ZFHX3: variants seen among roughly 807,000 people sequenced by gnomAD.
ZFHX3 encodes the protein zinc finger homeobox protein 3.
A neutral mutation model predicts 279.1 loss-of-function variants in ZFHX3; 42 were observed. The observed-to-expected ratio is 0.15, with a 90% CI of 0.12 to 0.19. The LOEUF (loss-of-function observed/expected upper bound fraction) is 0.19. Ranked by LOEUF, ZFHX3 falls within the 10% of genes least tolerant of loss-of-function variation. The pLI is 1.00. For missense variants in ZFHX3, 4,981 were observed against 4,754.0 expected, an observed-to-expected ratio of 1.05 and a Z score of -1.40; for synonymous variants, 2,293 against 1,957.8, an observed-to-expected ratio of 1.17 and a Z score of -4.52.
intron 1 of ZFHX3, among the ~76,000 whole-genome samples, chr16:73,857,092 T>C (rs1961751130): frequency 6.6e-6 from 1 of 152,160 alleles, no homozygotes; most frequent in Non-Finnish European, 1.5e-5. Flanking sequence ...CAATATTGAT[T>C]ATCTGAGGGA....
intron 3 of ZFHX3, among the ~76,000 whole-genome samples, chr16:73,449,432 C>T (rs909836728): frequency 2.0e-5 from 3 of 151,980 alleles, no homozygotes; most frequent in Admixed American, 6.6e-5. Context: ...AAGGCTGAGG[C>T]GGGAGGATTG....
intron 1 of ZFHX3, among the ~76,000 whole-genome samples, chr16:73,840,561 TAAG>T (rs1362723340): frequency 6.6e-6 from 1 of 152,166 alleles, no homozygotes; most frequent in African/African-American, 2.4e-5. Flanking sequence ...ATGGTCTGAT[TAAG>T]AAGGATTTAA....
chr16:73,008,129 T>C (rs1391705681), intron 1 of ZFHX3, among the ~76,000 whole-genome samples: 1 of 152,224 alleles, frequency 6.6e-6, no homozygotes, highest in Non-Finnish European at 1.5e-5. Flanking sequence ...CAGCTGTCTT[T>C]AGGCTTGTTT....
chr16:73,676,294 G>A (rs1406949353), intron 2 of ZFHX3, among the ~76,000 whole-genome samples: 2 of 151,888 alleles, frequency 1.3e-5, no homozygotes, highest in Non-Finnish European at 2.9e-5. Flanking sequence ...AAAACCTGAG[G>A]TTATAAACAA....
intron 3 of ZFHX3, among the ~76,000 whole-genome samples, chr16:73,340,703 G>A (rs944616953): frequency 8.5e-5 from 13 of 152,080 alleles, no homozygotes; most frequent in Non-Finnish European, 1.5e-4. Flanking sequence ...GTGCTAGGAC[G>A]ACTGGCTAGA....
rs768678915 is a variant in ZFHX3, at chr16:72,958,218, G to A, written c.1928C>T (p.Pro643Leu). ...GGAGCCCAGGACCGTGTCGCATTTG[G>A]GGCACTCCACGCCACTCCCCGAGGG... The part of the protein sequence containing the change: ...ECPSGSGVEC[P>L]KCDTVLGSSR... Residue 643 changes from proline (P) to leucine (L), a missense_variant, in exon 2 of 10, where the codon CCC (proline) becomes CTC (leucine). By Grantham distance (98) the Pro-to-Leu change is moderately conservative. Around this residue, in one of 7 missense-constraint regions of ZFHX3, gnomAD observed 1,068 missense variants for 935.2 expected, o/e 1.14. Transcript: ENST00000268489. 2 of 1,611,680 alleles carry A rather than the reference G, an allele frequency of 1.2e-6. No homozygotes were observed. The highest frequency in any genetic ancestry group is 1.3e-5 in the African/African-American group (1 of 74,982).
intron 3 of ZFHX3, among the ~76,000 whole-genome samples, chr16:72,912,125 C>T (rs948368131): frequency 6.6e-6 from 1 of 152,216 alleles, no homozygotes; most frequent in African/African-American, 2.4e-5. Context: ...CTGTACCCAG[C>T]ATGGCCATGC....
intron 4 of ZFHX3, among the ~76,000 whole-genome samples, chr16:72,882,980 GTGTGTGTGTGTGTGTGT>G (rs2038525087): frequency 0.018 from 652 of 35,490 alleles, 9 homozygotes; most frequent in Middle Eastern, 0.067. Context: ...ACTCTGGGGT[GTGTGTGTGTGTGTGTGT>G]GTGTGTGTGT....
At chr16:73,079,692 A>C (rs1965924204) in intron 8 of ZFHX3, among the ~76,000 whole-genome samples, 1 of 151,988 alleles carries the variant, frequency 6.6e-6, no homozygotes, top group African/African-American at 2.4e-5. Flanking sequence ...TATTCTCTCC[A>C]ATCAAACAAG....
chr16:72,946,534 G>A (rs1960685731), intron 3 of ZFHX3, among the ~76,000 whole-genome samples: 1 of 152,216 alleles, frequency 6.6e-6, no homozygotes, highest in Non-Finnish European at 1.5e-5. Flanking sequence ...GGGAGATGGT[G>A]GGAGTGTGCA....
chr16:73,793,490 C>T (rs1376501916), intron 1 of ZFHX3, among the ~76,000 whole-genome samples: 2 of 152,216 alleles, frequency 1.3e-5, no homozygotes, highest in Non-Finnish European at 2.9e-5. Context: ...ATATCTCCAA[C>T]GAAAATATGC....
chr16:72,955,776 C>CAAA (rs11441187), intron 2 of ZFHX3, among the ~76,000 whole-genome samples: 3,750 of 105,260 alleles, frequency 0.036, 138 homozygotes, highest in Middle Eastern at 0.047. Context: ...GACTCTGTCT[C>CAAA]AAAAAAAAAA....
intron 2 of ZFHX3, among the ~76,000 whole-genome samples, chr16:73,584,211 G>C (rs536537339): frequency 1.3e-5 from 2 of 152,104 alleles, no homozygotes; most frequent in African/African-American, 4.8e-5. Flanking sequence ...AGTCCCAAAC[G>C]ATGAGAAAGA....
intron 4 of ZFHX3, among the ~76,000 whole-genome samples, chr16:72,886,096 A>G (rs762892524): frequency 6.6e-6 from 1 of 152,156 alleles, no homozygotes; most frequent in Non-Finnish European, 1.5e-5. Flanking sequence ...TGAAGAGCCA[A>G]CCCCTGGGGA....
intron 1 of ZFHX3, among the ~76,000 whole-genome samples, chr16:73,787,366 G>T (rs1361366627): frequency 6.6e-6 from 1 of 152,162 alleles, no homozygotes; most frequent in South Asian, 2.1e-4. Context: ...TGTATGGTGG[G>T]TGCAAGCACG....
intron 1 of ZFHX3, among the ~76,000 whole-genome samples, chr16:73,772,099 G>C (rs2054024622): frequency 6.6e-6 from 1 of 152,058 alleles, no homozygotes. Context: ...AATCTTCTTG[G>C]GTGAGGCAGA....
intron 2 of ZFHX3, chr16:73,554,738 T>A (rs770880013): frequency 6.6e-6 from 1 of 152,174 alleles, no homozygotes; most frequent in Non-Finnish European, 1.5e-5. Flanking sequence ...AGGCGTGGGA[T>A]AGAAGGTGAC....
At chr16:73,842,304 G>A (rs1961331187) in intron 1 of ZFHX3, among the ~76,000 whole-genome samples, 1 of 152,126 alleles carries the variant, frequency 6.6e-6, no homozygotes, top group South Asian at 2.1e-4. Context: ...CCTGCCACCA[G>A]GGGAAATGGT....
chr16:72,939,920 A>G (rs1960327077), intron 3 of ZFHX3, among the ~76,000 whole-genome samples: 1 of 152,014 alleles, frequency 6.6e-6, no homozygotes, highest in African/African-American at 2.4e-5. Context: ...CTGGGACTAT[A>G]AGCACCACCA....
Sources: allele counts gnomAD v4.1 joint callset (sites outside exome capture counted in the v4.1 genomes callset), GRCh38; gene constraint gnomAD v4.1.1; regional missense constraint gnomAD v4.1.1; transcripts MANE v1.5; gene names NCBI Gene and HGNC (gene_info 2026-07-23, HGNC 2026-07-21).